The following CCDC192 variants were observed in gnomAD, a reference collection of about 807,000 sequenced individuals.
CCDC192 encodes the protein coiled-coil domain-containing protein 192.
chr5:127,765,653 A>G (rs1270400432), intron 3 of CCDC192, among the ~76,000 whole-genome samples: 1 of 152,194 alleles, frequency 6.6e-6, no homozygotes, highest in Non-Finnish European at 1.5e-5. Flanking sequence ...CATGTTGGAA[A>G]CCACCATTAC....
intron 6 of CCDC192, among the ~76,000 whole-genome samples, chr5:127,908,358 C>G (rs900353890): frequency 6.6e-6 from 1 of 152,122 alleles, no homozygotes; most frequent in Non-Finnish European, 1.5e-5. Flanking sequence ...GGTTCTTACT[C>G]AGAACTAAAT....
intron 6 of CCDC192, among the ~76,000 whole-genome samples, chr5:127,893,706 T>C (rs1191273826): frequency 6.6e-6 from 1 of 152,230 alleles, no homozygotes; most frequent in East Asian, 1.9e-4. Context: ...TAAACATTTA[T>C]AAATACAGCC....
chr5:127,796,848 T>A (rs545659585), intron 3 of CCDC192, among the ~76,000 whole-genome samples: 1 of 152,356 alleles, frequency 6.6e-6, no homozygotes, highest in African/African-American at 2.4e-5. Context: ...TCTCTATTTC[T>A]AGTATTTCTA....
intron 6 of CCDC192, among the ~76,000 whole-genome samples, chr5:127,911,961 G>A (rs1012304869): frequency 1.3e-5 from 2 of 151,224 alleles, no homozygotes; most frequent in African/African-American, 4.9e-5. Flanking sequence ...TTGCTCTGTC[G>A]CCCAGGCTGG....
rs1329570876 is a variant in CCDC192 at position 127,754,396 on chromosome 5, T to C, written c.222+21T>C. Reference sequence around the variant, plus strand: ...AACAGGTAACACCTGTCATGGGAACTGGAAACAAATGTTCCTCAGTGTGCA... The same window carrying C: ...AACAGGTAACACCTGTCATGGGAACCGGAAACAAATGTTCCTCAGTGTGCA... On this transcript the variant is annotated intron_variant, in intron 3 of 6. Transcript: ENST00000514853. 1.5e-5 allele frequency: 6 copies of C among 398,028 alleles called. No individual in the cohort carries two copies. In the East Asian group the frequency reaches 2.1e-4, roughly 14 times the overall value. The allele number at this position is 398,028 out of a possible 1,614,324, so 24.7% of individuals were successfully genotyped here. A position where few individuals can be genotyped will look rare whatever the true frequency, so the allele number is the denominator to read the frequency against.
intron 5 of CCDC192, among the ~76,000 whole-genome samples, chr5:127,826,558 C>T (rs900513339): frequency 2.0e-5 from 3 of 150,324 alleles, no homozygotes; most frequent in African/African-American, 7.4e-5. Context: ...AGAAAATGTG[C>T]TGGAGGCCAT....
At chr5:127,868,009 C>CTTT (rs11440985) in intron 5 of CCDC192, among the ~76,000 whole-genome samples, 5 of 133,480 alleles carry the variant, frequency 3.7e-5, no homozygotes, top group Non-Finnish European at 4.8e-5. Flanking sequence ...TTTTCTTTTT[C>CTTT]TTTTTTTTTT....
At chr5:127,735,675 A>T (rs1249440364) in intron 2 of CCDC192, among the ~76,000 whole-genome samples, 5 of 130,634 alleles carry the variant, frequency 3.8e-5, no homozygotes, top group Admixed American at 3.2e-4. Context: ...TAGGTATTTT[A>T]TTCTCTTTGA....
intron 5 of CCDC192, among the ~76,000 whole-genome samples, chr5:127,847,852 A>AATAAATAAATAAATAC (rs1239191012): frequency 6.6e-6 from 1 of 151,168 alleles, no homozygotes; most frequent in Non-Finnish European, 1.5e-5. Context: ...TAAATAAATA[A>AATAAATAAATAAATAC]ATACATAAAT....
chr5:127,756,392 G>A (rs1754594095), intron 3 of CCDC192, among the ~76,000 whole-genome samples: 2 of 152,076 alleles, frequency 1.3e-5, no homozygotes, highest in African/African-American at 4.8e-5. Flanking sequence ...ATAATTCGAC[G>A]GGGAGGGGCC....
chr5:127,919,252 C>T (rs1271190529), intron 6 of CCDC192, among the ~76,000 whole-genome samples: 1 of 152,070 alleles, frequency 6.6e-6, no homozygotes. Context: ...CCATGACTAT[C>T]TCTGACAATA....
intron 3 of CCDC192, among the ~76,000 whole-genome samples, chr5:127,795,151 G>C (rs965465833): frequency 6.6e-6 from 1 of 151,990 alleles, no homozygotes; most frequent in East Asian, 1.9e-4. Context: ...TTAGCCAGGC[G>C]TGGTGGTGTG....
intron 6 of CCDC192, among the ~76,000 whole-genome samples, chr5:127,913,733 T>A (rs1753440341): frequency 6.6e-6 from 1 of 152,254 alleles, no homozygotes; most frequent in African/African-American, 2.4e-5. Context: ...TGGGATCTGT[T>A]GTCAACTTCC....
At chr5:127,707,059 G>A (rs1235571389) in intron 1 of CCDC192, among the ~76,000 whole-genome samples, 1 of 152,208 alleles carries the variant, frequency 6.6e-6, no homozygotes, top group East Asian at 1.9e-4. Context: ...GGAATGCAGA[G>A]ATCTTTGGTG....
intron 2 of CCDC192, among the ~76,000 whole-genome samples, chr5:127,715,334 T>G (rs565829633): frequency 6.6e-6 from 1 of 152,352 alleles, no homozygotes; most frequent in African/African-American, 2.4e-5. Context: ...TTCATTCTTC[T>G]GCATATGGAT....
At chr5:127,869,647 A>G (rs1045191655) in intron 5 of CCDC192, among the ~76,000 whole-genome samples, 8 of 152,218 alleles carry the variant, frequency 5.3e-5, no homozygotes, top group African/African-American at 1.9e-4. Flanking sequence ...ATCTATTGTC[A>G]AATGCCACTT....
At chr5:127,903,533 G>A (rs552484678) in intron 6 of CCDC192, among the ~76,000 whole-genome samples, 6 of 152,188 alleles carry the variant, frequency 3.9e-5, no homozygotes, top group South Asian at 4.1e-4. Flanking sequence ...GTGGGCCACC[G>A]CGCCCAGTCT....
chr5:127,816,089 G>C (rs1749012973), intron 5 of CCDC192, among the ~76,000 whole-genome samples: 1 of 152,146 alleles, frequency 6.6e-6, no homozygotes, highest in East Asian at 1.9e-4. Context: ...ATATGTGTTA[G>C]AGAAAAGTAA....
At chr5:127,843,029 GT>G (rs11428874) in intron 5 of CCDC192, among the ~76,000 whole-genome samples, 1,133 of 91,720 alleles carry the variant, frequency 0.012, 6 homozygotes, top group African/African-American at 0.042. Context: ...TTTTAGTCAA[GT>G]TTTTTTTTTT....
Sources: gnomAD v4.1 joint callset for allele counts (sites outside exome capture counted in the v4.1 genomes callset) on GRCh38, gnomAD v4.1.1 for gene constraint, MANE v1.5 for transcripts, NCBI Gene and HGNC (gene_info 2026-07-23, HGNC 2026-07-21) for gene names.